PWWP2A: variants seen among roughly 807,000 people sequenced by gnomAD.
PWWP2A encodes the protein PWWP domain-containing protein 2A.
PWWP2A carries 18 observed loss-of-function variants against 48.5 expected under a neutral mutation model. The ratio of observed to expected loss-of-function variants is 0.37; its 90% confidence interval spans 0.26 to 0.55. The LOEUF is 0.55. Ranked by LOEUF, PWWP2A falls within the 20% of genes least tolerant of loss-of-function variation. The pLI is 0.81. For missense variants in PWWP2A, 867 were observed against 976.4 expected, an observed-to-expected ratio of 0.89 and a Z score of 1.49; for synonymous variants, 396 against 387.7, an observed-to-expected ratio of 1.02 and a Z score of -0.25.
downstream of PWWP2A, among the ~76,000 whole-genome samples, chr5:160,075,464 GTCA>G (rs1470725657): frequency 6.6e-6 from 1 of 152,022 alleles, no homozygotes; most frequent in Non-Finnish European, 1.5e-5. Flanking sequence ...TGATTCTTAG[GTCA>G]AACCCTTGAC....
chr5:160,103,826 TTAA>T (rs1756559107), intron 1 of PWWP2A, among the ~76,000 whole-genome samples: 2 of 152,190 alleles, frequency 1.3e-5, no homozygotes, highest in South Asian at 4.2e-4. Flanking sequence ...AACCAGTCTC[TTAA>T]TAAGAAGGCT....
At chr5:160,095,686 CTTTTTTTT>C (rs11358268) in intron 1 of PWWP2A, among the ~76,000 whole-genome samples, 39 of 100,306 alleles carry the variant, frequency 3.9e-4, no homozygotes, top group East Asian at 1.2e-3. Flanking sequence ...CCGAAATGTT[CTTTTTTTT>C]TTTTTTTTTT....
chr5:160,051,225 A>G, the PWWP2A span: 1 of 1,536,086 alleles, frequency 6.5e-7, no homozygotes, highest in Non-Finnish European at 8.9e-7. Context: ...AACAGCTAGG[A>G]ACCTAGGGTG....
chr5:160,051,180 T>G, the PWWP2A span: 1 of 1,609,800 alleles, frequency 6.2e-7, no homozygotes, highest in Non-Finnish European at 8.5e-7. Flanking sequence ...AGAAGAGATG[T>G]TAGGTAAGCT....
At chr5:160,065,844 G>C (rs937274457) in intron 4 of PWWP2A, among the ~76,000 whole-genome samples, 4 of 152,180 alleles carry the variant, frequency 2.6e-5, no homozygotes, top group Admixed American at 2.6e-4. Context: ...TTGAGGAATG[G>C]TAGTATATGA....
rs201830351 is a variant in PWWP2A at position 160,064,919 on chromosome 5, T to A, written c.*237-1246A>T. 1.9e-5 allele frequency: 30 copies of A among 1,604,266 alleles called. No individual in the cohort carries two copies. In the South Asian group the frequency reaches 3.3e-4, roughly 17 times the overall value. The stretch of plus-strand genomic sequence containing the variant: ...TTCCTGTATTCATTTGAGTTTTTGC[T>A]TTTACATTACAGGTAAATTAAAAGA... On this transcript the variant is annotated intron_variant and NMD_transcript_variant, in intron 4 of 5. Coordinates refer to the PWWP2A transcript ENST00000524050.
chr5:160,068,332 G>A (rs551152930), intron 2 of PWWP2A, among the ~76,000 whole-genome samples: 3 of 152,318 alleles, frequency 2.0e-5, no homozygotes, highest in East Asian at 1.9e-4. Flanking sequence ...GGCTGGGTGC[G>A]GTGGCTCAAG....
downstream of PWWP2A, among the ~76,000 whole-genome samples, chr5:160,058,379 T>TCAG (rs1757600814): frequency 6.6e-6 from 1 of 151,770 alleles, no homozygotes; most frequent in Admixed American, 6.6e-5. Flanking sequence ...TTTGACCATC[T>TCAG]CAGCAGCCAT....
At chr5:160,114,768 TA>T (rs56276633) in intron 1 of PWWP2A, among the ~76,000 whole-genome samples, 13,747 of 128,900 alleles carry the variant, frequency 0.11, 784 homozygotes, top group Admixed American at 0.2. Flanking sequence ...GTCTCAAGGG[TA>T]AAAAAAAAAA....
chr5:160,047,705 C>T, the PWWP2A span, among the ~76,000 whole-genome samples: 3 of 152,112 alleles, frequency 2.0e-5, no homozygotes, highest in African/African-American at 7.2e-5. Context: ...ACATTTCAGC[C>T]TCTGATCCCC....
chr5:160,109,777 ATATATATATAT>A (rs1757308382), intron 1 of PWWP2A, among the ~76,000 whole-genome samples: 3 of 32,554 alleles, frequency 9.2e-5, no homozygotes, highest in Admixed American at 3.7e-4. Flanking sequence ...AAAAAAAAAT[ATATATATATAT>A]ATATATATAT....
At position 160,113,114 on chromosome 5, in the gene PWWP2A, C is replaced by T. The variant is rs534219347; in HGVS notation, c.584+5691G>A. On this transcript the variant is annotated intron_variant, in intron 1 of 1. Coordinates refer to ENST00000307063, the MANE Select transcript of PWWP2A (RefSeq NM_001130864.2). ...TGGAGGTTGCAGTGAGCCGAAGTCC[C>T]GCCACTGCACTCCAGCCTGGGTGAC... 182 of 490,196 alleles carry T rather than the reference C, an allele frequency of 3.7e-4. 1 individual carries two copies. Among genetic ancestry groups the T allele is most frequent in the African/African-American group, 3.3e-3 (155 of 47,580 alleles). 30.4% of individuals were successfully genotyped at this position (490,196 alleles called of 1,614,324 possible).
Position 160,092,884 on chromosome 5 carries a change from T to C in PWWP2A, c.1766A>G (p.Asp589Gly). The change falls in exon 2 of 2, where the codon GAT becomes GGT. Residue 589 changes from aspartate to glycine, a missense_variant. Coordinates refer to ENST00000307063, the MANE Select transcript of PWWP2A (RefSeq NM_001130864.2). ...SASVCSIDST[D>G]DLKSSNSECS... Reference sequence around the variant, plus strand: ...CTCAGAGTTGGAAGATTTCAAATCATCTGTGCTATCAATGCTACACACTGA... The same window carrying C: ...CTCAGAGTTGGAAGATTTCAAATCACCTGTGCTATCAATGCTACACACTGA... 4 of 1,551,732 alleles carry C rather than the reference T, an allele frequency of 2.6e-6. No individual in the cohort carries two copies. The highest frequency in any genetic ancestry group is 3.5e-6 in the Non-Finnish European group (4 of 1,146,988).
Position 160,093,063 on chromosome 5 carries a change from G to C in PWWP2A, c.1587C>G (p.Gly529=). The change falls in exon 2 of 2, where the codon GGC becomes GGG. Residue 529 remains glycine (G), a synonymous_variant. Transcript: ENST00000307063. This position sits in a 1 kb window ranked among gnomAD's most constrained non-coding sequence, Gnocchi z 5.8. ...APSENQSPSK[G]PEEASSEVQD... is the part of the protein sequence containing the mutation. ...GAACCTCACTGCTGGCCTCTTCAGG[G>C]CCTTTTGAGGGACTCTGATTTTCTG... 1.2e-6 allele frequency: 2 copies of C among 1,612,632 alleles called. No individual in the cohort carries two copies. Among genetic ancestry groups the C allele is most frequent in the Non-Finnish European group, 1.7e-6 (2 of 1,179,390 alleles).
chr5:160,119,074 G>C lies in PWWP2A; in HGVS notation c.315C>G (p.Ala105=). The C allele has an allele frequency of 6.3e-7, 1 of 1,588,668 alleles. No homozygotes were observed. ...GAAGTTCCGGCCCTCCCTGAGGCGC[G>C]GCTGCCGCCGACTCCGCCACCCGAA... ...LSVRVAESAA[A]APQGGPELPP... is the part of the protein sequence containing the mutation. The change falls in exon 1 of 2, where the codon GCC becomes GCG. Residue 105 remains alanine, a synonymous_variant. Coordinates refer to ENST00000307063, the MANE Select transcript of PWWP2A (RefSeq NM_001130864.2).
intron 1 of PWWP2A, among the ~76,000 whole-genome samples, chr5:160,107,909 A>T (rs758584135): frequency 2.0e-5 from 3 of 152,112 alleles, no homozygotes; most frequent in Non-Finnish European, 2.9e-5. Context: ...GCTGAGGCAC[A>T]AGAATTGTTT....
intron 3 of PWWP2A, chr5:160,080,622 CT>C (rs1326380667): frequency 1.0e-5 from 15 of 1,503,900 alleles, no homozygotes; most frequent in Admixed American, 6.2e-5. Flanking sequence ...GCCCTCTTCA[CT>C]TTGTGGCAGG....
chr5:160,088,608 AC>A, downstream of PWWP2A, among the ~76,000 whole-genome samples: 1 of 152,296 alleles, frequency 6.6e-6, no homozygotes, highest in Non-Finnish European at 1.5e-5. Context: ...GAATACCAAA[AC>A]AAAAACTAAA....
Position 160,078,220 on chromosome 5 carries a change from T to C in PWWP2A, c.1670-52A>G. ...AAATGTCGTTAAGCACAAGTAATTA[T>C]ATGAGGAAAATGATGTCCTTGTTGT... On this transcript the variant is annotated intron_variant, in intron 3 of 3. Transcript: ENST00000456329. This position sits in a 1 kb window ranked among gnomAD's most constrained non-coding sequence, Gnocchi z 4.2. 1 of 1,410,882 alleles carries C rather than the reference T, an allele frequency of 7.1e-7. No individual in the cohort carries two copies. The highest frequency in any genetic ancestry group is 1.7e-4 in the Middle Eastern group (1 of 5,740). The allele number at this position is 1,410,882 out of a possible 1,614,324, so 87.4% of individuals were successfully genotyped here.
Sources: gnomAD v4.1 joint callset for allele counts (sites outside exome capture counted in the v4.1 genomes callset) on GRCh38, gnomAD v4.1.1 for gene constraint, Gnocchi (gnomAD v3.1) non-coding constraint, MANE v1.5 for transcripts, NCBI Gene and HGNC (gene_info 2026-07-23, HGNC 2026-07-21) for gene names.